SELENOM: variants seen among roughly 807,000 people sequenced by gnomAD.
The protein encoded by SELENOM is selenoprotein M, also known as selenoprotein SelM.
A neutral mutation model predicts 14.5 loss-of-function variants in SELENOM; 17 were observed. The ratio of observed to expected loss-of-function variants is 1.17; its 90% CI spans 0.80 to 1.76. The LOEUF (loss-of-function observed/expected upper bound fraction) is 1.76. SELENOM is among the 40% of genes most tolerant of loss of function. SELENOM has a pLI of 0.00. For synonymous variants in SELENOM, 102 were observed against 93.3 expected (o/e 1.09, Z -0.54); for missense variants, 230 against 204.6 (o/e 1.12, Z -0.76).
rs201828653 is a variant in SELENOM, at chr22:31,105,273, T to G, written c.214A>C (p.Met72Leu). The change falls in exon 4 of 5, where the codon ATG becomes CTG. Residue 72 changes from methionine to leucine, a missense_variant. Transcript: ENST00000400299. The stretch of plus-strand genomic sequence containing the variant: ...GGGTCGGCCCCAGGGAGGTGTTTCA[T>G]CACCAGGTTGTGACTGGAGGTGGTG... ...QDIPFYHNLVMKHLPGADPEL... is the reference protein window; with the variant it reads ...QDIPFYHNLVLKHLPGADPEL... 6.2e-7 allele frequency: 1 copy of G among 1,611,988 alleles called. No homozygotes were observed. The highest frequency in any genetic ancestry group is 1.3e-5 in the African/African-American group (1 of 74,986).
In SELENOM at chr22:31,104,991, A is replaced by C. The variant is rs1218629224; in HGVS notation, c.417T>G (p.Thr139=). 18 of 1,596,156 alleles carry C rather than the reference A, an allele frequency of 1.1e-5. No individual in the cohort carries two copies. Among genetic ancestry groups the C allele is most frequent in the African/African-American group, 4.1e-5 (3 of 73,646 alleles). The part of the protein sequence containing the change: ...VWAPAKPPEE[T]SDHADL ...GGACCTACAGGTCAGCGTGGTCCGAAGTTTCCTCTGGGGGCTTCGCGGGCG... is the reference window on the plus strand; with the variant it reads ...GGACCTACAGGTCAGCGTGGTCCGACGTTTCCTCTGGGGGCTTCGCGGGCG... Residue 139 remains threonine (T), a synonymous_variant, in exon 5 of 5, where the codon ACT becomes ACG. Coordinates refer to ENST00000400299, the MANE Select transcript of SELENOM (RefSeq NM_080430.4).
chr22:31,105,660 G>A lies in SELENOM; in HGVS notation c.198C>T (p.Phe66=), dbSNP rs2044395349. The change falls in exon 3 of 5, where the codon TTC becomes TTT. Residue 66 remains phenylalanine (F), a splice_region_variant and synonymous_variant. Coordinates refer to ENST00000400299, the MANE Select transcript of SELENOM (RefSeq NM_080430.4). The part of the protein sequence containing the change: ...VKAFVTQDIP[F]YHNLVMKHLP... ...CCTCCCCCAGAACAGAAGGATACTA[G>A]AATGGAATGTCCTGCGTGACGAAAG... is the stretch of plus-strand genomic sequence containing the variant. 1 of 1,613,976 alleles carries A rather than the reference G, an allele frequency of 6.2e-7. No individual in the cohort carries two copies. The highest frequency in any genetic ancestry group is 8.5e-7 in the Non-Finnish European group (1 of 1,179,872).
At chr22:31,105,514 G>A (rs1430160748) in intron 3 of SELENOM, 144 bp downstream of exon 3, 2 of 926,470 alleles carry the variant, frequency 2.2e-6, no homozygotes, top group African/African-American at 3.3e-5. Context: ...CACCCAACAT[G>A]GAGACCACCT....
chr22:31,107,322 T>G (rs1250850843), intron 1 of SELENOM, 55 bp downstream of exon 1: 25 of 1,546,256 alleles, frequency 1.6e-5, no homozygotes, highest in Non-Finnish European at 2.2e-5. Context: ...GGTGCTCCCA[T>G]GGGGCCGCAG....
At chr22:31,107,052 T>G in intron 1 of SELENOM, 9 of 226,108 alleles carry the variant, frequency 4.0e-5, no homozygotes, top group East Asian at 2.6e-4. Context: ...TGATGGGGGA[T>G]GGGAAGTTGG....
chr22:31,105,676 G>A lies in SELENOM; in HGVS notation c.182C>T (p.Thr61Met), dbSNP rs370198471. The stretch of plus-strand genomic sequence containing the variant: ...AGGATACTAGAATGGAATGTCCTGC[G>A]TGACGAAAGCCTTCACCTGGGGAGG... ...NRLKEVKAFV[T>M]QDIPFYHNLV... The change falls in exon 3 of 5, where the codon ACG becomes ATG. Residue 61 changes from threonine (T) to methionine (M), a missense_variant. Physicochemically the swap from Thr to Met is moderately conservative, Grantham distance 81. Coordinates refer to ENST00000400299, the MANE Select transcript of SELENOM (RefSeq NM_080430.4). 71 of 1,613,956 alleles carry A rather than the reference G, an allele frequency of 4.4e-5. No homozygotes were observed. The highest frequency in any genetic ancestry group is 5.4e-5 in the Non-Finnish European group (64 of 1,179,980).
In SELENOM at chr22:31,105,042, C is replaced by T. The variant is rs1300269255; in HGVS notation, c.366G>A (p.Ala122=). ...LGFYRKAAPD[A]QVPPEYVWAP... ...CCCACACGTACTCGGGGGGCACCTG[C>T]GCGTCGGGCGCCGCCTTGCGGTAGA... Residue 122 remains alanine, a synonymous_variant, in exon 5 of 5, where the codon GCG becomes GCA. Coordinates refer to ENST00000400299, the MANE Select transcript of SELENOM (RefSeq NM_080430.4). The T allele has an allele frequency of 1.2e-6, 2 of 1,611,536 alleles. No individual in the cohort carries two copies. Among genetic ancestry groups the T allele is most frequent in the Admixed American group, 1.7e-5 (1 of 59,412 alleles).
chr22:31,106,287 C>G (rs566757469), intron 1 of SELENOM: 1 of 445,370 alleles, frequency 2.2e-6, no homozygotes, highest in East Asian at 4.3e-5. Flanking sequence ...TCACCCTGCT[C>G]CTCTTAAGCA....
At chr22:31,106,207 G>A in intron 1 of SELENOM, 2 of 581,402 alleles carry the variant, frequency 3.4e-6, no homozygotes, top group Admixed American at 3.0e-5. Flanking sequence ...GACCCACAGT[G>A]TGCCTGCCAG....
chr22:31,107,510 A>T lies in SELENOM; in HGVS notation c.-5T>A, dbSNP rs758443777. On this transcript the variant is annotated 5_prime_UTR_variant, in exon 1 of 5. Coordinates refer to ENST00000400299, the MANE Select transcript of SELENOM (RefSeq NM_080430.4). ...CGGAGGCAACAGGAGGCTCATCGGG[A>T]CCCGGCCGCAGATGATGCGCAAGCT... 6.5e-7 allele frequency: 1 copy of T among 1,538,112 alleles called. No homozygotes were observed. Among genetic ancestry groups the T allele is most frequent in the African/African-American group, 1.4e-5 (1 of 72,024 alleles).
chr22:31,107,303 G>T, intron 1 of SELENOM, 74 bp downstream of exon 1: 1 of 1,496,300 alleles, frequency 6.7e-7, no homozygotes, highest in Non-Finnish European at 8.9e-7. Context: ...TCTTGGGGCC[G>T]GGACGGACGG....
rs760045678 is a variant in SELENOM at position 31,105,941 on chromosome 22, G to A, written c.154C>T (p.Arg52Cys). Residue 52 changes from arginine to cysteine, a missense_variant, in exon 2 of 5, where the codon CGC becomes TGC. By Grantham distance (180) the Arg-to-Cys change is radical. Transcript: ENST00000400299. ...VETCGGUQLN[R>C]LKEVKAFVTQ... ...TCCTTCAAACTCACCTCCTTTAGGC[G>A]GTTCAGCTGTCATCCCCCGCAGGTC... 2.5e-6 allele frequency: 4 copies of A among 1,614,068 alleles called. No individual in the cohort carries two copies. The highest frequency in any genetic ancestry group is 2.2e-5 in the East Asian group (1 of 44,884).
Position 31,104,996 on chromosome 22 carries a change from C to T in SELENOM, c.412G>A (p.Glu138Lys). ...YVWAPAKPPE[E>K]TSDHADL is the part of the protein sequence containing the mutation. ...TACAGGTCAGCGTGGTCCGAAGTTT[C>T]CTCTGGGGGCTTCGCGGGCGCCCAC... The change falls in exon 5 of 5, where the codon GAA (glutamate) becomes AAA (lysine). Residue 138 changes from glutamate to lysine, a missense_variant. Glu to Lys is a moderately conservative substitution (Grantham distance 56). Transcript: ENST00000400299. The T allele has an allele frequency of 6.2e-7, 1 of 1,601,310 alleles. No homozygotes were observed. The highest frequency in any genetic ancestry group is 8.5e-7 in the Non-Finnish European group (1 of 1,175,976).
chr22:31,104,967 G>T lies in SELENOM; in HGVS notation c.*3C>A, dbSNP rs777827476. ...AGGTCCCAGCTCCGCCGCGCCCCCGGACCTACAGGTCAGCGTGGTCCGAAG... is the reference window on the plus strand; with the variant it reads ...AGGTCCCAGCTCCGCCGCGCCCCCGTACCTACAGGTCAGCGTGGTCCGAAG... On this transcript the variant is annotated 3_prime_UTR_variant, in exon 5 of 5. Transcript: ENST00000400299. The T allele has an allele frequency of 1.9e-6, 3 of 1,564,066 alleles. No individual in the cohort carries two copies. The highest frequency in any genetic ancestry group is 2.6e-6 in the Non-Finnish European group (3 of 1,158,374).
rs1478125403 is a variant in SELENOM, at chr22:31,105,704, C to T, written c.166-12G>A. ...ACGAAAGCCTTCACCTGGGGAGGAA[C>T]CAGAGCATCAGAGACCATGACCTCA... On this transcript the variant is annotated splice_polypyrimidine_tract_variant and intron_variant, in intron 2 of 4. Coordinates refer to ENST00000400299, the MANE Select transcript of SELENOM (RefSeq NM_080430.4). The T allele has an allele frequency of 6.2e-7, 1 of 1,613,954 alleles. No individual in the cohort carries two copies. Among genetic ancestry groups the T allele is most frequent in the African/African-American group, 1.3e-5 (1 of 74,998 alleles).
At chr22:31,105,858 T>G (rs893266897) in intron 2 of SELENOM, 72 bp downstream of exon 2, 1 of 1,528,048 alleles carries the variant, frequency 6.5e-7, no homozygotes, top group Non-Finnish European at 9.1e-7. Flanking sequence ...GCCCCAGTCA[T>G]TGGGACCATG....
At position 31,107,532 on chromosome 22, in the gene SELENOM, A is replaced by G. The variant is rs776184363; in HGVS notation, c.-27T>C. On this transcript the variant is annotated 5_prime_UTR_variant, in exon 1 of 5. Transcript: ENST00000400299. ...GGGACCCGGCCGCAGATGATGCGCA[A>G]GCTGGAGGCGAACCTCCGAGTCGCT... The G allele has an allele frequency of 9.2e-6, 14 of 1,515,996 alleles. No homozygotes were observed. Among genetic ancestry groups the G allele is most frequent in the Non-Finnish European group, 1.2e-5 (14 of 1,132,476 alleles). 93.9% of individuals were successfully genotyped at this position (1,515,996 alleles called of 1,614,324 possible). A position where few individuals can be genotyped will look rare whatever the true frequency, so the allele number is the denominator to read the frequency against.
At position 31,105,656 on chromosome 22, in the gene SELENOM, A is replaced by C; in HGVS notation, c.200+2T>G. 1.9e-6 allele frequency: 3 copies of C among 1,613,902 alleles called. No homozygotes were observed. Among genetic ancestry groups the C allele is most frequent in the Non-Finnish European group, 2.5e-6 (3 of 1,179,816 alleles). On this transcript the variant is annotated splice_donor_variant, in intron 3 of 4. Transcript: ENST00000400299. LOFTEE classifies it high-confidence loss of function. ...TTCCCCTCCCCCAGAACAGAAGGAT[A>C]CTAGAATGGAATGTCCTGCGTGACG...
chr22:31,105,050 G>A lies in SELENOM; in HGVS notation c.358C>T (p.Pro120Ser). The A allele has an allele frequency of 6.2e-7, 1 of 1,611,986 alleles. No homozygotes were observed. The highest frequency in any genetic ancestry group is 8.5e-7 in the Non-Finnish European group (1 of 1,179,598). The change falls in exon 5 of 5, where the codon CCC (proline) becomes TCC (serine). Residue 120 changes from proline (P) to serine (S), a missense_variant. Pro to Ser is a moderately conservative substitution (Grantham distance 74). Transcript: ENST00000400299. The part of the protein sequence containing the change: ...QELGFYRKAA[P>S]DAQVPPEYVW... The stretch of plus-strand genomic sequence containing the variant: ...TACTCGGGGGGCACCTGCGCGTCGG[G>A]CGCCGCCTTGCGGTAGAAGCCGAGC...
Sources: gnomAD v4.1 joint callset for allele counts on GRCh38, gnomAD v4.1.1 for gene constraint, MANE v1.5 for transcripts, NCBI Gene and HGNC (gene_info 2026-07-23, HGNC 2026-07-21) for gene names.